AKAP10: variants seen among roughly 807,000 people sequenced by gnomAD.
AKAP10 encodes the protein A-kinase anchoring protein 10.
A neutral mutation model predicts 80.8 loss-of-function variants in AKAP10; 24 were observed. The observed-to-expected ratio is 0.30, with a 90% CI of 0.22 to 0.42. The LOEUF is 0.42. Ranked by LOEUF, AKAP10 falls within the 10% of genes least tolerant of loss-of-function variation. AKAP10 has a pLI of 1.00. For missense variants in AKAP10, 661 were observed against 794.9 expected (o/e 0.83, Z 2.03); for synonymous variants, 291 against 277.7 (o/e 1.05, Z -0.48).
intron 12 of AKAP10, among the ~76,000 whole-genome samples, chr17:19,918,296 T>C (rs1396973956): frequency 4.0e-5 from 6 of 151,562 alleles, no homozygotes; most frequent in African/African-American, 9.7e-5. Flanking sequence ...TCCCAGCACT[T>C]TGGGAGGCTA....
chr17:19,911,660 A>G (rs2152409542), intron 12 of AKAP10, among the ~76,000 whole-genome samples: 1 of 151,532 alleles, frequency 6.6e-6, no homozygotes, highest in South Asian at 2.1e-4. Flanking sequence ...ACATGGAGAA[A>G]CCCCGTCTCT....
In AKAP10 at chr17:19,924,335, A is replaced by C. The variant is rs901281170; in HGVS notation, c.1751+73T>G. ...AATAATAGATTAGAAAAAAATGTAAAATTTAATTAAAAAATTTAAAAGATG... is the reference window on the plus strand; with the variant it reads ...AATAATAGATTAGAAAAAAATGTAACATTTAATTAAAAAATTTAAAAGATG... On this transcript the variant is annotated intron_variant, in intron 11 of 14. Coordinates refer to ENST00000225737, the MANE Select transcript of AKAP10 (RefSeq NM_007202.4). 41 of 1,090,974 alleles carry C rather than the reference A, an allele frequency of 3.8e-5. No homozygotes were observed. In the African/African-American group the frequency reaches 5.0e-4, roughly 13 times the overall value. 67.6% of individuals were successfully genotyped at this position (1,090,974 alleles called of 1,614,324 possible).
At chr17:19,930,662 G>A (rs1456255100) in intron 10 of AKAP10, among the ~76,000 whole-genome samples, 4 of 151,920 alleles carry the variant, frequency 2.6e-5, no homozygotes, top group African/African-American at 9.7e-5. Flanking sequence ...CGGCATTTGA[G>A]GTCAGGGGTT....
intron 1 of AKAP10, 142 bp downstream of exon 1, chr17:19,977,450 A>G: frequency 1.8e-6 from 1 of 545,454 alleles, no homozygotes; most frequent in Non-Finnish European, 2.8e-6. Flanking sequence ...GAGCAGAGCA[A>G]GGCACTCAGG....
At chr17:19,933,199 A>G (rs536426789) in intron 9 of AKAP10, among the ~76,000 whole-genome samples, 1 of 152,154 alleles carries the variant, frequency 6.6e-6, no homozygotes, top group African/African-American at 2.4e-5. Flanking sequence ...TTGTATTTTT[A>G]GTAGAGACGG....
intron 3 of AKAP10, among the ~76,000 whole-genome samples, chr17:19,962,191 C>T (rs1486028305): frequency 2.0e-5 from 3 of 152,052 alleles, no homozygotes; most frequent in Non-Finnish European, 4.4e-5. Flanking sequence ...GGTTATTTCC[C>T]TATAACAGAT....
rs2043372378 is a variant in AKAP10, at chr17:19,963,041, T to C, written c.137-19A>G. ...ATTGAAGCTATAATTTTTCAAAAAA[T>C]TGTTAAGAATTAAACACAATTTGAT... On this transcript the variant is annotated intron_variant, in intron 2 of 14. Coordinates refer to ENST00000225737, the MANE Select transcript of AKAP10 (RefSeq NM_007202.4). 6.3e-7 allele frequency: 1 copy of C among 1,581,910 alleles called. No individual in the cohort carries two copies. The highest frequency in any genetic ancestry group is 8.6e-7 in the Non-Finnish European group (1 of 1,156,884).
intron 9 of AKAP10, among the ~76,000 whole-genome samples, chr17:19,933,587 T>A (rs1318190861): frequency 2.0e-5 from 3 of 152,236 alleles, no homozygotes; most frequent in African/African-American, 7.2e-5. Context: ...ACATTCTTTA[T>A]ATGATACAGA....
At chr17:19,927,189 C>G (rs2042883877) in intron 10 of AKAP10, among the ~76,000 whole-genome samples, 1 of 152,046 alleles carries the variant, frequency 6.6e-6, no homozygotes, top group African/African-American at 2.4e-5. Context: ...AAAAAAAAAG[C>G]TGGGTGTGAT....
Position 19,920,033 on chromosome 17 carries a change from A to G in AKAP10, c.1834+3T>C, listed in dbSNP as rs767410891. The G allele has an allele frequency of 6.2e-7, 1 of 1,610,334 alleles. No individual in the cohort carries two copies. Among genetic ancestry groups the G allele is most frequent in the South Asian group, 1.1e-5 (1 of 90,746 alleles). On this transcript the variant is annotated splice_donor_region_variant and intron_variant, in intron 12 of 14. Transcript: ENST00000225737. The stretch of plus-strand genomic sequence containing the variant: ...TAATATGAAGTATAAAAACACCACA[A>G]ACCTTTTGATTTCCTTACATCAGGT...
chr17:19,921,299 C>T (rs1285594660), intron 11 of AKAP10, among the ~76,000 whole-genome samples: 7 of 151,804 alleles, frequency 4.6e-5, no homozygotes, highest in Non-Finnish European at 1.0e-4. Context: ...TCTCGAGTAG[C>T]TGGGACTACG....
At position 19,920,045 on chromosome 17, in the gene AKAP10, TC is replaced by T; in HGVS notation, c.1824del (p.Lys609AsnfsTer11). On this transcript the variant is annotated frameshift_variant, in exon 12 of 15. Coordinates refer to ENST00000225737, the MANE Select transcript of AKAP10 (RefSeq NM_007202.4). LOFTEE classifies it high-confidence loss of function. The part of the protein sequence containing the change: ...IRESEPEPDV[R>X]KSKGSMFSQA... ...TAAAAACACCACAAACCTTTTGATT[TC>T]CTTACATCAGGTTCAGGCTCAGATT... 6.2e-7 allele frequency: 1 copy of T among 1,612,230 alleles called. No homozygotes were observed. The highest frequency in any genetic ancestry group is 8.5e-7 in the Non-Finnish European group (1 of 1,178,574).
intron 1 of AKAP10, among the ~76,000 whole-genome samples, chr17:19,977,321 G>C (rs1358471342): frequency 6.6e-6 from 1 of 152,188 alleles, no homozygotes; most frequent in African/African-American, 2.4e-5. Context: ...CCTAAGAACT[G>C]TTCTTAACCA....
At chr17:19,917,797 C>T (rs1031674358) in intron 12 of AKAP10, among the ~76,000 whole-genome samples, 1 of 151,994 alleles carries the variant, frequency 6.6e-6, no homozygotes, top group Non-Finnish European at 1.5e-5. Flanking sequence ...GTGGCAGGTG[C>T]CTATAATCCC....
At chr17:19,921,789 TA>T (rs1405223288) in intron 11 of AKAP10, among the ~76,000 whole-genome samples, 6 of 152,226 alleles carry the variant, frequency 3.9e-5, no homozygotes, top group East Asian at 3.9e-4. Context: ...GCAAATGACT[TA>T]AATACTCATT....
chr17:19,956,668 C>A (rs768635797), intron 4 of AKAP10, among the ~76,000 whole-genome samples: 1 of 152,054 alleles, frequency 6.6e-6, no homozygotes, highest in Non-Finnish European at 1.5e-5. Context: ...GCTGGGAGTA[C>A]AAGTGTGTGC....
intron 9 of AKAP10, among the ~76,000 whole-genome samples, chr17:19,932,629 T>G (rs1188188721): frequency 6.6e-6 from 1 of 152,144 alleles, no homozygotes; most frequent in Non-Finnish European, 1.5e-5. Context: ...AAAGTCTTTG[T>G]GCATATATTG....
In AKAP10 at chr17:19,966,624, G is replaced by C. The variant is rs749489004; in HGVS notation, c.136+1790C>G. ...GATAAGTCAGTGAATGTTAAGCACA[G>C]ATTATGTACTTCATAATCAGAGTAT... is the stretch of plus-strand genomic sequence containing the variant. On this transcript the variant is annotated intron_variant, in intron 2 of 14. Coordinates refer to ENST00000225737, the MANE Select transcript of AKAP10 (RefSeq NM_007202.4). 9.4e-4 allele frequency among the ~76,000 whole-genome samples: 112 copies of C among 119,704 alleles called. 1 individual carries two copies. The highest frequency in any genetic ancestry group is 2.3e-4 in the Non-Finnish European group (12 of 52,344). 78.5% of individuals were successfully genotyped at this position (119,704 alleles called of 152,430 possible). A position where few individuals can be genotyped will look rare whatever the true frequency, so the allele number is the denominator to read the frequency against.
intron 2 of AKAP10, among the ~76,000 whole-genome samples, chr17:19,967,449 A>C (rs1376463429): frequency 1.3e-5 from 2 of 152,264 alleles, no homozygotes; most frequent in Non-Finnish European, 2.9e-5. Flanking sequence ...TGCTCAGTTA[A>C]GAGTATTCTT....
Sources: allele counts gnomAD v4.1 joint callset (sites outside exome capture counted in the v4.1 genomes callset), GRCh38; gene constraint gnomAD v4.1.1; transcripts MANE v1.5; gene names NCBI Gene and HGNC (gene_info 2026-07-23, HGNC 2026-07-21).